Variants in ZNF175 observed in about 807,000 individuals in gnomAD.
ZNF175 encodes zinc finger protein OTK18.
ZNF175 carries 8 observed loss-of-function variants against 14.0 expected under a neutral mutation model. The observed-to-expected ratio is 0.57, with a 90% confidence interval of 0.34 to 1.03. ZNF175 has a LOEUF of 1.03. Ranked by LOEUF, ZNF175 falls within the 50% of genes least tolerant of loss-of-function variation. The pLI is 0.03. For missense variants in ZNF175, 764 were observed against 849.5 expected (o/e 0.90, Z 1.25); for synonymous variants, 255 against 296.8 (o/e 0.86, Z 1.45).
Position 51,588,339 on chromosome 19 carries a change from C to A in ZNF175, c.2008C>A (p.Pro670Thr), listed in dbSNP as rs111668295. ...VHQRIHTGER[P>T]YVCSECGKAF... ...TCAGCGAATTCACACGGGAGAAAGA[C>A]CTTATGTGTGTTCTGAATGTGGAAA... Residue 670 changes from proline (P) to threonine (T), a missense_variant, in exon 5 of 5, where the codon CCT becomes ACT. Physicochemically the swap from Pro to Thr is conservative, Grantham distance 38. Transcript: ENST00000262259. 3.1e-4 allele frequency: 493 copies of A among 1,614,168 alleles called. 2 individuals are homozygous for A. The African/African-American group carries it at 6.0e-3, about 20-fold the overall frequency.
At chr19:51,584,141 CTA>C (rs1164336530) in intron 4 of ZNF175, among the ~76,000 whole-genome samples, 1 of 152,152 alleles carries the variant, frequency 6.6e-6, no homozygotes, top group Non-Finnish European at 1.5e-5. Flanking sequence ...TCAATCATGT[CTA>C]TTTCATGGAA....
At position 51,586,841 on chromosome 19, in the gene ZNF175, A is replaced by G; in HGVS notation, c.510A>G (p.Glu170=). The change falls in exon 5 of 5, where the codon GAA becomes GAG. Residue 170 remains glutamate, a synonymous_variant. Transcript: ENST00000262259. ...TCAACAAGAAAACATTGAACACAGAAAGCAATTGTGAATATAAGGACCCTG... is the reference window on the plus strand; with the variant it reads ...TCAACAAGAAAACATTGAACACAGAGAGCAATTGTGAATATAAGGACCCTG... ...AFFNKKTLNT[E]SNCEYKDPGK... is the part of the protein sequence containing the mutation. 6.2e-7 allele frequency: 1 copy of G among 1,614,200 alleles called. No homozygotes were observed. The highest frequency in any genetic ancestry group is 8.5e-7 in the Non-Finnish European group (1 of 1,180,008).
intron 4 of ZNF175, among the ~76,000 whole-genome samples, chr19:51,585,105 A>C (rs1219803565): frequency 2.6e-5 from 4 of 152,218 alleles, no homozygotes; most frequent in Admixed American, 2.0e-4. Context: ...GGTAAACAAA[A>C]TGTGGTCTAT....
At position 51,591,588 on chromosome 19, in the gene ZNF175, T is replaced by C. The variant is rs1201094076; in HGVS notation, c.*3121T>C. The C allele has an allele frequency of 1.3e-5, 2 of 152,166 alleles. No individual in the cohort carries two copies. Among genetic ancestry groups the C allele is most frequent in the Non-Finnish European group, 2.9e-5 (2 of 68,036 alleles). The allele number at this position is 152,166 out of a possible 1,614,324, so 9.4% of individuals were successfully genotyped here. On this transcript the variant is annotated 3_prime_UTR_variant, in exon 5 of 5. Coordinates refer to ENST00000262259, the MANE Select transcript of ZNF175 (RefSeq NM_007147.4). ...TAACTCGTTTATTCCTCACAGCCAT[T>C]GTAGGAAATAATCTAACCTCATAAA...
At chr19:51,578,671 C>CA (rs1467032128) in intron 2 of ZNF175, among the ~76,000 whole-genome samples, 2 of 152,008 alleles carry the variant, frequency 1.3e-5, no homozygotes, top group Non-Finnish European at 2.9e-5. Context: ...AGGAGGCTGA[C>CA]ACGGGAGAAT....
In ZNF175 at chr19:51,587,311, C is replaced by A; in HGVS notation, c.980C>A (p.Thr327Lys). The change falls in exon 5 of 5, where the codon ACA (threonine) becomes AAA (lysine). Residue 327 changes from threonine to lysine, a missense_variant. By Grantham distance (78) the Thr-to-Lys change is moderately conservative. Transcript: ENST00000262259. ...CAACTAAAACTCAGTGTATATCTGA[C>A]AGATCATACAGGTGATATACCCTGT... ...MPQLKLSVYL[T>K]DHTGDIPCIC... 1 of 1,614,152 alleles carries A rather than the reference C, an allele frequency of 6.2e-7. No homozygotes were observed. Among genetic ancestry groups the A allele is most frequent in the Non-Finnish European group, 8.5e-7 (1 of 1,180,020 alleles).
chr19:51,586,912 A>C lies in ZNF175; in HGVS notation c.581A>C (p.Gln194Pro). ...TRPHLASSQK[Q>P]PQKCCLFTES... ...CCCCACCTTGCTTCTTCACAGAAAC[A>C]ACCTCAGAAATGTTGCTTATTTACA... Residue 194 changes from glutamine (Q) to proline (P), a missense_variant, in exon 5 of 5, where the codon CAA becomes CCA. By Grantham distance (76) the Gln-to-Pro change is moderately conservative. Coordinates refer to ENST00000262259, the MANE Select transcript of ZNF175 (RefSeq NM_007147.4). The C allele has an allele frequency of 1.2e-6, 2 of 1,614,206 alleles. No individual in the cohort carries two copies. The highest frequency in any genetic ancestry group is 1.7e-6 in the Non-Finnish European group (2 of 1,180,036).
intron 2 of ZNF175, chr19:51,574,216 T>C (rs187232811): frequency 6.6e-6 from 1 of 152,348 alleles, no homozygotes; most frequent in East Asian, 1.9e-4. Context: ...ACCAATATAT[T>C]GTGAGATTAT....
rs952245654 is a variant in ZNF175, at chr19:51,591,753, C to T, written c.*3286C>T. ...AACTCTCAACCATTGTACTACTTTA[C>T]CTCCTCATGACCTTTTTTTTTTTTT... On this transcript the variant is annotated 3_prime_UTR_variant, in exon 5 of 5. Transcript: ENST00000262259. 6.6e-6 allele frequency: 1 copy of T among 151,728 alleles called. No individual in the cohort carries two copies. The highest frequency in any genetic ancestry group is 2.4e-5 in the African/African-American group (1 of 41,344). 9.4% of individuals were successfully genotyped at this position (151,728 alleles called of 1,614,324 possible). A position where few individuals can be genotyped will look rare whatever the true frequency, so the allele number is the denominator to read the frequency against.
intron 2 of ZNF175, among the ~76,000 whole-genome samples, chr19:51,579,550 A>C (rs1053508085): frequency 1.3e-5 from 2 of 152,194 alleles, no homozygotes; most frequent in East Asian, 3.8e-4. Context: ...GGGAATTGCC[A>C]GTGTAACTCC....
rs1982316056 is a variant in ZNF175, at chr19:51,590,504, G to C, written c.*2037G>C. 1 of 152,184 alleles carries C rather than the reference G, an allele frequency of 6.6e-6. No homozygotes were observed. Among genetic ancestry groups the C allele is most frequent in the Admixed American group, 6.5e-5 (1 of 15,280 alleles). 9.4% of individuals were successfully genotyped at this position (152,184 alleles called of 1,614,324 possible). On this transcript the variant is annotated 3_prime_UTR_variant, in exon 5 of 5. Coordinates refer to ENST00000262259, the MANE Select transcript of ZNF175 (RefSeq NM_007147.4). ...TTTTCCAGAAGGGTGTTAGAGATGG[G>C]CACCCATGGCTTTAGTCTCCATACC...
Position 51,592,382 on chromosome 19 carries a change from T to TA in ZNF175, c.*3917dup, listed in dbSNP as rs1249264089. Reference sequence around the variant, plus strand: ...TGGCTCCTTTGCAGATTACATGCGTTAATTATGTAAAGTCAAGCATTAGAA... The same window carrying TA: ...TGGCTCCTTTGCAGATTACATGCGTTAAATTATGTAAAGTCAAGCATTAGAA... On this transcript the variant is annotated 3_prime_UTR_variant, in exon 5 of 5. Coordinates refer to ENST00000262259, the MANE Select transcript of ZNF175 (RefSeq NM_007147.4). 1.4e-5 allele frequency: 6 copies of TA among 430,472 alleles called. No homozygotes were observed. Among genetic ancestry groups the TA allele is most frequent in the Non-Finnish European group, 2.0e-5 (5 of 245,480 alleles). 26.7% of individuals were successfully genotyped at this position (430,472 alleles called of 1,614,324 possible). A position where few individuals can be genotyped will look rare whatever the true frequency, so the allele number is the denominator to read the frequency against.
Position 51,584,161 on chromosome 19 carries a change from CA to C in ZNF175, c.295+2284del, listed in dbSNP as rs149521920. ...CATGTCTATTTCATGGAAGGCTACT[CA>C]AAAAGTAAGTGTATCAACATGGGAA... On this transcript the variant is annotated intron_variant, in intron 4 of 4. Transcript: ENST00000262259. 6.8e-3 allele frequency among the ~76,000 whole-genome samples: 1,028 copies of C among 152,260 alleles called. 8 individuals are homozygous for C. The highest frequency in any genetic ancestry group is 0.024 in the African/African-American group (988 of 41,540).
rs146151906 is a variant in ZNF175, at chr19:51,576,152, G to T, written c.72+2751G>T. On this transcript the variant is annotated intron_variant, in intron 2 of 4. Transcript: ENST00000262259. The stretch of plus-strand genomic sequence containing the variant: ...TATTTCAGGGACAGTTTTTTTTTTT[G>T]TTTTTTTTTTTTTTTGAGACAGAGT... 5.0e-3 allele frequency among the ~76,000 whole-genome samples: 652 copies of T among 130,816 alleles called. 3 individuals are homozygous for T. The highest frequency in any genetic ancestry group is 6.1e-3 in the Non-Finnish European group (371 of 60,752). The allele number at this position is 130,816 out of a possible 152,430, so 85.8% of individuals were successfully genotyped here. A position where few individuals can be genotyped will look rare whatever the true frequency, so the allele number is the denominator to read the frequency against.
At chr19:51,572,092 C>T (rs185681577) in intron 1 of ZNF175, among the ~76,000 whole-genome samples, 11 of 152,112 alleles carry the variant, frequency 7.2e-5, no homozygotes, top group Admixed American at 6.5e-4. Context: ...TTGAGCACAT[C>T]GATGATGGTT....
intron 4 of ZNF175, among the ~76,000 whole-genome samples, chr19:51,585,408 GGTA>G (rs992265470): frequency 2.1e-4 from 32 of 152,144 alleles, no homozygotes; most frequent in Admixed American, 4.6e-4. Context: ...GGTGAATACA[GGTA>G]GCACTACTGA....
chr19:51,579,544 A>C (rs1253612999), intron 2 of ZNF175, among the ~76,000 whole-genome samples: 1 of 152,212 alleles, frequency 6.6e-6, no homozygotes, highest in African/African-American at 2.4e-5. Context: ...TCATCTGGGA[A>C]TTGCCAGTGT....
Position 51,588,177 on chromosome 19 carries a change from G to A in ZNF175, c.1846G>A (p.Val616Ile), listed in dbSNP as rs749535991. ...QITHTRERPF[V>I]CYKCGKAFVQ... ...AACTCACACTAGAGAGAGGCCTTTT[G>A]TCTGTTACAAATGTGGGAAGGCTTT... is the stretch of plus-strand genomic sequence containing the variant. Residue 616 changes from valine to isoleucine, a missense_variant, in exon 5 of 5, where the codon GTC becomes ATC. Physicochemically the swap from Val to Ile is conservative, Grantham distance 29. Transcript: ENST00000262259. 3 of 1,613,726 alleles carry A rather than the reference G, an allele frequency of 1.9e-6. No homozygotes were observed. In the African/African-American group the frequency reaches 4.0e-5, roughly 22 times the overall value.
At chr19:51,585,107 G>A (rs1008457945) in intron 4 of ZNF175, among the ~76,000 whole-genome samples, 9 of 152,160 alleles carry the variant, frequency 5.9e-5, no homozygotes, top group Admixed American at 5.9e-4. Flanking sequence ...TAAACAAAAT[G>A]TGGTCTATAC....
Sources: gnomAD v4.1 joint callset for allele counts (sites outside exome capture counted in the v4.1 genomes callset) on GRCh38, gnomAD v4.1.1 for gene constraint, MANE v1.5 for transcripts, NCBI Gene and HGNC (gene_info 2026-07-23, HGNC 2026-07-21) for gene names.